Variants in CSMD1 observed in about 807,000 individuals in gnomAD.
CSMD1 encodes the protein CUB and sushi domain-containing protein 1.
In CSMD1, 213 loss-of-function variants were observed where a neutral mutation model predicts 417.5. That is an observed-to-expected ratio of 0.51 (90% CI 0.46 to 0.57). CSMD1 has a LOEUF of 0.57. Among genes scored for constraint, CSMD1 ranks in the 20% least tolerant of loss-of-function variants. The pLI is 0.00. For missense variants in CSMD1, 6,923 were observed against 4,529.7 expected (o/e 1.53, Z -15.17); for synonymous variants, 2,862 against 1,736.8 (o/e 1.65, Z -16.11).
At chr8:3,840,130 G>T (rs1405097701) in intron 5 of CSMD1, among the ~76,000 whole-genome samples, 2 of 152,044 alleles carry the variant, frequency 1.3e-5, no homozygotes, top group East Asian at 1.9e-4. Context: ...ATTATGAACA[G>T]CTTGCTTCCT....
At chr8:2,998,648 T>C (rs1055892722) in intron 53 of CSMD1, among the ~76,000 whole-genome samples, 1 of 152,234 alleles carries the variant, frequency 6.6e-6, no homozygotes, top group African/African-American at 2.4e-5. Context: ...TATTGCAATA[T>C]CAATTTACAC....
intron 1 of CSMD1, among the ~76,000 whole-genome samples, chr8:4,726,077 T>C (rs1481632662): frequency 6.6e-6 from 1 of 152,170 alleles, no homozygotes; most frequent in Non-Finnish European, 1.5e-5. Context: ...CACTGACAAA[T>C]GATCCGTGAT....
intron 2 of CSMD1, among the ~76,000 whole-genome samples, chr8:4,457,866 T>A (rs953538743): frequency 1.3e-5 from 2 of 152,076 alleles, no homozygotes; most frequent in Non-Finnish European, 2.9e-5. Context: ...GCACCTCCCC[T>A]GGGACAGCTT....
intron 10 of CSMD1, among the ~76,000 whole-genome samples, chr8:3,549,275 A>C (rs1585345781): frequency 6.6e-6 from 1 of 152,218 alleles, no homozygotes; most frequent in African/African-American, 2.4e-5. Flanking sequence ...TGTGCCAGTG[A>C]CTGTGTGTCC....
At chr8:4,085,842 C>T (rs1800390846) in intron 3 of CSMD1, among the ~76,000 whole-genome samples, 1 of 152,006 alleles carries the variant, frequency 6.6e-6, no homozygotes, top group African/African-American at 2.4e-5. Context: ...GTTCTGTGTC[C>T]CCAGAGTTTC....
At chr8:3,499,992 G>A (rs1197257829) in intron 10 of CSMD1, among the ~76,000 whole-genome samples, 1 of 152,096 alleles carries the variant, frequency 6.6e-6, no homozygotes, top group Non-Finnish European at 1.5e-5. Context: ...CAGGGCCTAT[G>A]AGGCCTGTGG....
chr8:2,972,075 C>G (rs1012315344), intron 57 of CSMD1, among the ~76,000 whole-genome samples: 1 of 151,958 alleles, frequency 6.6e-6, no homozygotes, highest in Non-Finnish European at 1.5e-5. Flanking sequence ...AATATATGCA[C>G]AAACATTCCT....
At chr8:4,234,704 T>C (rs1280061744) in intron 3 of CSMD1, among the ~76,000 whole-genome samples, 1 of 152,152 alleles carries the variant, frequency 6.6e-6, no homozygotes, top group Admixed American at 6.5e-5. Flanking sequence ...TGGTGTGGTG[T>C]ACGGCCACAC....
At chr8:3,650,488 G>C (rs972386869) in intron 7 of CSMD1, among the ~76,000 whole-genome samples, 2 of 152,124 alleles carry the variant, frequency 1.3e-5, no homozygotes, top group Admixed American at 1.3e-4. Flanking sequence ...ATTAAGCTTA[G>C]CTGGTGGGAC....
intron 2 of CSMD1, among the ~76,000 whole-genome samples, chr8:4,582,759 C>G (rs1272432123): frequency 6.6e-6 from 1 of 152,248 alleles, no homozygotes; most frequent in Admixed American, 6.5e-5. Flanking sequence ...CACCGCTGCA[C>G]TGTGGGAGCC....
intron 63 of CSMD1, 33 bp from the exon 64 acceptor site, chr8:2,955,801 T>C (rs1348573301): frequency 1.9e-6 from 3 of 1,600,940 alleles, no homozygotes; most frequent in South Asian, 1.1e-5. Context: ...TGAGACTTTG[T>C]TTATTGTAAA....
chr8:3,937,410 G>C (rs779251188), intron 5 of CSMD1, among the ~76,000 whole-genome samples: 8 of 152,072 alleles, frequency 5.3e-5, no homozygotes, highest in Non-Finnish European at 1.2e-4. Flanking sequence ...GAAATTGCAA[G>C]TCACCTCAAT....
chr8:3,280,100 C>G (rs143739274), intron 26 of CSMD1, among the ~76,000 whole-genome samples: 36 of 152,242 alleles, frequency 2.4e-4, no homozygotes, highest in African/African-American at 8.7e-4. Flanking sequence ...GGTACTAGGC[C>G]TCTGTGCCCT....
At chr8:3,292,492 T>C (rs1190205156) in intron 25 of CSMD1, among the ~76,000 whole-genome samples, 1 of 152,216 alleles carries the variant, frequency 6.6e-6, no homozygotes, top group African/African-American at 2.4e-5. Context: ...AAGGACTTGC[T>C]TCAAGAATCT....
At chr8:4,183,025 G>C (rs946560747) in intron 3 of CSMD1, among the ~76,000 whole-genome samples, 1 of 152,166 alleles carries the variant, frequency 6.6e-6, no homozygotes, top group African/African-American at 2.4e-5. Flanking sequence ...GGGATGAGTA[G>C]AAAGTACACG....
intron 30 of CSMD1, among the ~76,000 whole-genome samples, chr8:3,209,674 C>T (rs1285130045): frequency 6.6e-6 from 1 of 152,106 alleles, no homozygotes; most frequent in Non-Finnish European, 1.5e-5. Flanking sequence ...AAGAAACAGG[C>T]CTGGTGCTTC....
chr8:4,930,086 C>G (rs1338288795), intron 1 of CSMD1, among the ~76,000 whole-genome samples: 1 of 152,166 alleles, frequency 6.6e-6, no homozygotes, highest in Non-Finnish European at 1.5e-5. Flanking sequence ...GAGCTTGTTT[C>G]TCGCCCTAGC....
intron 3 of CSMD1, among the ~76,000 whole-genome samples, chr8:4,173,324 A>G (rs1009986105): frequency 6.6e-6 from 1 of 152,204 alleles, no homozygotes; most frequent in African/African-American, 2.4e-5. Context: ...TGTGCTGTAT[A>G]TGGCAAACCT....
chr8:4,181,614 T>G (rs981169456), intron 3 of CSMD1, among the ~76,000 whole-genome samples: 1 of 152,206 alleles, frequency 6.6e-6, no homozygotes. Flanking sequence ...AGGCTTAAAA[T>G]TCATTTATAT....
Sources: gnomAD v4.1 joint callset for allele counts (sites outside exome capture counted in the v4.1 genomes callset) on GRCh38, gnomAD v4.1.1 for gene constraint, MANE v1.5 for transcripts, NCBI Gene and HGNC (gene_info 2026-07-23, HGNC 2026-07-21) for gene names.